Variants in GPR89B observed in about 807,000 individuals in gnomAD.
GPR89B encodes the protein golgi pH regulator B.
A neutral mutation model predicts 52.4 loss-of-function variants in GPR89B; 25 were observed. That is an observed-to-expected ratio of 0.48 (90% CI 0.35 to 0.67). GPR89B has a LOEUF of 0.67. Among genes scored for constraint, GPR89B ranks in the 30% least tolerant of loss-of-function variants. GPR89B has a pLI of 0.01. For synonymous variants in GPR89B, 52 were observed against 151.2 expected (o/e 0.34, Z 4.81); for missense variants, 146 against 450.2 (o/e 0.32, Z 6.11).
intron 10 of GPR89B, among the ~76,000 whole-genome samples, chr1:147,985,730 A>G (rs1419683527): frequency 6.6e-5 from 10 of 151,402 alleles, no homozygotes; most frequent in African/African-American, 2.2e-4. Context: ...TCCTTTTTTT[A>G]AACTTCCATC....
intron 5 of GPR89B, among the ~76,000 whole-genome samples, chr1:147,949,641 T>G (rs1364524201): frequency 7.5e-6 from 1 of 134,220 alleles, no homozygotes. Flanking sequence ...CCCACCTCCC[T>G]CCCGGATGGG....
intron 7 of GPR89B, among the ~76,000 whole-genome samples, chr1:147,961,428 G>A (rs1389787088): frequency 2.0e-5 from 3 of 152,166 alleles, no homozygotes; most frequent in Admixed American, 6.5e-5. Flanking sequence ...AGCAACAAGG[G>A]GAAAATGATA....
rs183326973 is a variant in GPR89B at position 147,935,575 on chromosome 1, C to A, written c.43-1052C>A. On this transcript the variant is annotated intron_variant, in intron 1 of 13. Transcript: ENST00000314163. ...GGGATCCTGCAATCTCTCGGCTTTA[C>A]ACTGAGATGAAAACCACTTTTATGT... 5.9e-5 allele frequency among the ~76,000 whole-genome samples: 9 copies of A among 152,204 alleles called. No individual in the cohort carries two copies. The East Asian group carries it at 1.7e-3, about 29-fold the overall frequency.
At chr1:147,998,773 C>T in the GPR89B span, among the ~76,000 whole-genome samples, 3 of 150,278 alleles carry the variant, frequency 2.0e-5, no homozygotes, top group Admixed American at 6.7e-5. Flanking sequence ...CCCAGCTACT[C>T]GAGAGACTGA....
intron 12 of GPR89B, among the ~76,000 whole-genome samples, chr1:147,990,498 G>GTA (rs1658980986): frequency 1.3e-5 from 2 of 152,030 alleles, no homozygotes; most frequent in African/African-American, 4.8e-5. Context: ...ATTGCTTTTG[G>GTA]TGTTTTAGAC....
At chr1:148,005,577 A>G in the GPR89B span, 2 of 1,101,250 alleles carry the variant, frequency 1.8e-6, no homozygotes, top group Non-Finnish European at 2.6e-6. Flanking sequence ...GTAATCTGTG[A>G]TGTTGACTTC....
At chr1:147,982,859 C>T (rs1308574971) in intron 10 of GPR89B, among the ~76,000 whole-genome samples, 10 of 152,218 alleles carry the variant, frequency 6.6e-5, no homozygotes, top group Middle Eastern at 3.4e-3. Context: ...AGAGGTCCTT[C>T]GCGTCCCTTG....
chr1:148,018,299 G>A, the GPR89B span, among the ~76,000 whole-genome samples: 3 of 145,118 alleles, frequency 2.1e-5, no homozygotes, highest in East Asian at 5.9e-4. Context: ...GGTGCCTTTA[G>A]TCCCAGCTAC....
At chr1:147,977,037 A>G (rs1657884541) in intron 10 of GPR89B, among the ~76,000 whole-genome samples, 1 of 151,560 alleles carries the variant, frequency 6.6e-6, no homozygotes, top group Non-Finnish European at 1.5e-5. Context: ...GATCGAGACC[A>G]TCCTGGCTAA....
intron 10 of GPR89B, among the ~76,000 whole-genome samples, chr1:147,978,563 G>A (rs1658009547): frequency 6.6e-6 from 1 of 151,544 alleles, no homozygotes; most frequent in Non-Finnish European, 1.5e-5. Context: ...ACCCTTCAGA[G>A]CCAGCAGGCA....
chr1:147,979,505 TATG>T (rs1445225604), intron 10 of GPR89B, among the ~76,000 whole-genome samples: 2 of 152,174 alleles, frequency 1.3e-5, no homozygotes, highest in African/African-American at 4.8e-5. Context: ...CACCTTTCAT[TATG>T]ATGTTAGGTT....
chr1:147,928,667 G>A lies in GPR89B; in HGVS notation c.42+89G>A, dbSNP rs587684676. 1.6e-4 allele frequency: 249 copies of A among 1,558,820 alleles called. 1 individual carries two copies. The African/African-American group carries it at 3.1e-3, about 19-fold the overall frequency. On this transcript the variant is annotated intron_variant, in intron 1 of 13. Transcript: ENST00000314163. Reference sequence around the variant, plus strand: ...CCTCCGCGGTGCGGGCTGGTCCGGGGTCTCGCTCCTCTCTTACGCGGCCTG... The same window carrying A: ...CCTCCGCGGTGCGGGCTGGTCCGGGATCTCGCTCCTCTCTTACGCGGCCTG...
At chr1:148,003,487 A>G in the GPR89B span, among the ~76,000 whole-genome samples, 1 of 152,142 alleles carries the variant, frequency 6.6e-6, no homozygotes, top group Non-Finnish European at 1.5e-5. Context: ...ACAAAATACT[A>G]CCAATTTGGT....
Position 147,950,926 on chromosome 1 carries a change from A to AGAGAGG in GPR89B, c.416-2408_416-2403dup, listed in dbSNP as rs782004008. The stretch of plus-strand genomic sequence containing the variant: ...TCAGCATCAGTGGGAGACCGTGGAA[A>AGAGAGG]GAGAGGGAGAGGGAGACCGTGGGGA... On this transcript the variant is annotated intron_variant, in intron 5 of 13. Transcript: ENST00000314163. Among the ~76,000 whole-genome samples, 1,194 of 152,256 alleles carry AGAGAGG rather than the reference A, an allele frequency of 7.8e-3. 21 individuals carry two copies. Among genetic ancestry groups the AGAGAGG allele is most frequent in the East Asian group, 0.046 (240 of 5,166 alleles).
At chr1:148,011,152 C>G in the GPR89B span, 1 of 152,084 alleles carries the variant, frequency 6.6e-6, no homozygotes, top group Admixed American at 6.5e-5. Context: ...CTTCATGCTC[C>G]AAGTTCATGC....
chr1:148,003,160 T>C, the GPR89B span, among the ~76,000 whole-genome samples: 3,377 of 152,234 alleles, frequency 0.022, 59 homozygotes, highest in Non-Finnish European at 0.036. Flanking sequence ...AAATTAATAT[T>C]TGATAAATTA....
the GPR89B span, among the ~76,000 whole-genome samples, chr1:148,020,976 G>A: frequency 6.6e-6 from 1 of 150,808 alleles, no homozygotes; most frequent in Admixed American, 6.6e-5. Flanking sequence ...GCGTGAGCCC[G>A]GGCCCCGGAG....
chr1:148,003,429 A>G, the GPR89B span, among the ~76,000 whole-genome samples: 3 of 152,158 alleles, frequency 2.0e-5, no homozygotes, highest in African/African-American at 7.2e-5. Context: ...GTGTTCAGTG[A>G]CATCGTGTTA....
chr1:147,947,333 C>G (rs1301045361), intron 5 of GPR89B, among the ~76,000 whole-genome samples: 9 of 73,602 alleles, frequency 1.2e-4, no homozygotes, highest in East Asian at 3.7e-4. Flanking sequence ...GCGAGACTCT[C>G]AAAAAAAAAA....
Sources: gnomAD v4.1 joint callset for allele counts (sites outside exome capture counted in the v4.1 genomes callset) on GRCh38, gnomAD v4.1.1 for gene constraint, MANE v1.5 for transcripts, NCBI Gene and HGNC (gene_info 2026-07-23, HGNC 2026-07-21) for gene names.